PARP9: variants seen among roughly 807,000 people sequenced by gnomAD.
The protein encoded by PARP9 is poly(ADP-ribose) polymerase family member 9, also known as protein mono-ADP-ribosyltransferase PARP9.
PARP9 carries 48 observed loss-of-function variants against 68.8 expected under a neutral mutation model. The ratio of observed to expected loss-of-function variants is 0.70; its 90% CI spans 0.55 to 0.89. The LOEUF (loss-of-function observed/expected upper bound fraction) is 0.89. Among genes scored for constraint, PARP9 ranks in the 40% least tolerant of loss-of-function variants. The probability of loss-of-function intolerance (pLI) is 0.00; values close to 1 mark genes in which losing one functional copy is unlikely to be tolerated. For missense variants in PARP9, 806 were observed against 969.3 expected (o/e 0.83, Z 2.24); for synonymous variants, 309 against 333.8 (o/e 0.93, Z 0.81).
At position 122,559,635 on chromosome 3, in the gene PARP9, G is replaced by A; in HGVS notation, c.-15C>T. The A allele has an allele frequency of 1.3e-6, 2 of 1,587,704 alleles. No individual in the cohort carries two copies. Among genetic ancestry groups the A allele is most frequent in the Non-Finnish European group, 1.7e-6 (2 of 1,167,172 alleles). ...GAAAAGTCCATCCTCCAGGTCCCCGGGGGAGTCTTTAAATGTTTATTCCCT... is the reference window on the plus strand; with the variant it reads ...GAAAAGTCCATCCTCCAGGTCCCCGAGGGAGTCTTTAAATGTTTATTCCCT... On this transcript the variant is annotated 5_prime_UTR_variant, in exon 2 of 11. Coordinates refer to ENST00000682323, the MANE Select transcript of PARP9 (RefSeq NM_001146105.2).
At chr3:122,539,570 T>TCCTTCCTTCCTTCCTTCCTTCC (rs1242464386) in intron 8 of PARP9, among the ~76,000 whole-genome samples, 1 of 135,544 alleles carries the variant, frequency 7.4e-6, no homozygotes, top group Non-Finnish European at 1.6e-5. Flanking sequence ...TTTCTTTCTT[T>TCCTTCCTTCCTTCCTTCCTTCC]TTTTTTTGAG....
At chr3:122,561,402 A>G (rs1345410084) in intron 1 of PARP9, among the ~76,000 whole-genome samples, 3 of 152,170 alleles carry the variant, frequency 2.0e-5, no homozygotes, top group Non-Finnish European at 2.9e-5. Flanking sequence ...GGCTGTAGTG[A>G]GCTGTGATTG....
At position 122,540,721 on chromosome 3, in the gene PARP9, G is replaced by A; in HGVS notation, c.1516C>T (p.Gln506Ter). ...TTATTCTCAATGATGTGGTGGTTCT[G>A]GAGACTCAGGATTCTTTGGATCCAT... ...HAWIQRILSL[Q>*]NHHIIENNHI... Residue 506 changes from glutamine (Q) to a stop codon, truncating the protein, a stop_gained, in exon 8 of 11, where the codon CAG becomes TAG. Transcript: ENST00000682323. LOFTEE classifies it high-confidence loss of function. 6.2e-7 allele frequency: 1 copy of A among 1,614,088 alleles called. No homozygotes were observed. The highest frequency in any genetic ancestry group is 2.2e-5 in the East Asian group (1 of 44,878).
At chr3:122,549,203 A>G (rs950961707) in intron 6 of PARP9, among the ~76,000 whole-genome samples, 3 of 151,972 alleles carry the variant, frequency 2.0e-5, no homozygotes, top group Non-Finnish European at 4.4e-5. Flanking sequence ...TTTAGTAGAA[A>G]CGGGATTTCA....
intron 10 of PARP9, among the ~76,000 whole-genome samples, chr3:122,529,897 GA>G (rs1442994099): frequency 6.6e-6 from 1 of 151,710 alleles, no homozygotes; most frequent in African/African-American, 2.4e-5. Flanking sequence ...AGCATTACAA[GA>G]AAAATATGTC....
In PARP9 at chr3:122,556,024, G is replaced by A. The variant is rs769053095; in HGVS notation, c.147C>T (p.Val49=). 1.2e-6 allele frequency: 2 copies of A among 1,613,730 alleles called. No homozygotes were observed. Among genetic ancestry groups the A allele is most frequent in the Non-Finnish European group, 1.7e-6 (2 of 1,179,942 alleles). ...LKNNERQLCE[V]LQNKFGCIST... Reference sequence around the variant, plus strand: ...AGATACAGCCAAACTTATTCTGGAGGACTTCACACAGCTGACGCTCATTAT... The same window carrying A: ...AGATACAGCCAAACTTATTCTGGAGAACTTCACACAGCTGACGCTCATTAT... The change falls in exon 4 of 11, where the codon GTC becomes GTT. Residue 49 remains valine, a synonymous_variant. Coordinates refer to ENST00000682323, the MANE Select transcript of PARP9 (RefSeq NM_001146105.2).
At chr3:122,564,341 A>C, upstream of PARP9, 6 of 1,446,924 alleles carry the variant, frequency 4.1e-6, no homozygotes, top group Non-Finnish European at 5.5e-6. Flanking sequence ...CGAAACTGAA[A>C]CTTTGCGCCC....
intron 7 of PARP9, among the ~76,000 whole-genome samples, chr3:122,542,387 C>A (rs2078309251): frequency 6.6e-6 from 1 of 151,108 alleles, no homozygotes; most frequent in Non-Finnish European, 1.5e-5. Context: ...GCATGCCTGG[C>A]CAATAATCAT....
At chr3:122,560,301 A>G (rs1280099012) in intron 1 of PARP9, among the ~76,000 whole-genome samples, 2 of 152,210 alleles carry the variant, frequency 1.3e-5, no homozygotes, top group East Asian at 3.8e-4. Flanking sequence ...GAATTTTTAG[A>G]AGACTGATGA....
chr3:122,547,679 C>G (rs888503716), intron 6 of PARP9, among the ~76,000 whole-genome samples: 1 of 151,704 alleles, frequency 6.6e-6, no homozygotes, highest in Middle Eastern at 3.2e-3. Flanking sequence ...ATAGTGAGAC[C>G]CCACTTCCAC....
At chr3:122,561,435 C>T (rs555869009) in intron 1 of PARP9, among the ~76,000 whole-genome samples, 11 of 151,324 alleles carry the variant, frequency 7.3e-5, no homozygotes, top group Non-Finnish European at 1.6e-4. Context: ...CCAGCCTGGG[C>T]AAGAGGAATG....
chr3:122,551,798 G>A (rs1036904410), intron 5 of PARP9, among the ~76,000 whole-genome samples: 1 of 152,234 alleles, frequency 6.6e-6, no homozygotes, highest in Non-Finnish European at 1.5e-5. Flanking sequence ...AAAGGCCAAC[G>A]AGGTCACTGG....
intron 10 of PARP9, chr3:122,535,495 T>C (rs2107572368): frequency 2.0e-6 from 2 of 985,430 alleles, no homozygotes; most frequent in Non-Finnish European, 2.4e-6. Flanking sequence ...TATCTCTCCA[T>C]AATTTTTACT....
At chr3:122,535,646 C>T in intron 10 of PARP9, 6 of 985,998 alleles carry the variant, frequency 6.1e-6, no homozygotes, top group Non-Finnish European at 7.2e-6. Flanking sequence ...CATAGAACTC[C>T]TATGGATGAA....
rs998545197 is a variant in PARP9, at chr3:122,537,042, T to A, written c.1797A>T (p.Gln599His). The stretch of plus-strand genomic sequence containing the variant: ...ATATGATATTTTCTTTCATTTCGTC[T>A]TGGGTTTTTTGTTGCTGAATAGTCC... ...GQWTIQQQKT[Q>H]DEMKENIIFL... The change falls in exon 9 of 11, where the codon CAA (glutamine) becomes CAT (histidine). Residue 599 changes from glutamine to histidine, a missense_variant. Gln to His is a conservative substitution (Grantham distance 24). Transcript: ENST00000682323. 6.2e-7 allele frequency: 1 copy of A among 1,613,628 alleles called. No homozygotes were observed. The highest frequency in any genetic ancestry group is 1.7e-5 in the Admixed American group (1 of 59,986).
In PARP9 at chr3:122,550,898, A is replaced by G. The variant is rs956352285; in HGVS notation, c.1108-96T>C. 8 of 1,124,606 alleles carry G rather than the reference A, an allele frequency of 7.1e-6. No individual in the cohort carries two copies. The African/African-American group carries it at 1.1e-4, about 15-fold the overall frequency. 69.7% of individuals were successfully genotyped at this position (1,124,606 alleles called of 1,614,324 possible). Reference sequence around the variant, plus strand: ...CCCATATTTTACAATGTCCACCTTCACCCTCCCTCAGGGTTCGTGTCCCTG... The same window carrying G: ...CCCATATTTTACAATGTCCACCTTCGCCCTCCCTCAGGGTTCGTGTCCCTG... On this transcript the variant is annotated intron_variant, in intron 5 of 10. Coordinates refer to ENST00000682323, the MANE Select transcript of PARP9 (RefSeq NM_001146105.2).
intron 8 of PARP9, among the ~76,000 whole-genome samples, chr3:122,539,481 T>C (rs1381227604): frequency 6.6e-6 from 1 of 151,746 alleles, no homozygotes; most frequent in Non-Finnish European, 1.5e-5. Context: ...TCTATATCTA[T>C]CTCTATCTCT....
chr3:122,532,411 A>G (rs1372308876), intron 10 of PARP9: 2 of 985,234 alleles, frequency 2.0e-6, no homozygotes, highest in Non-Finnish European at 1.2e-6. Context: ...CTCTCCCAGC[A>G]TAGACAAAAG....
chr3:122,545,373 G>C, intron 7 of PARP9, 59 bp downstream of exon 7: 1 of 1,535,898 alleles, frequency 6.5e-7, no homozygotes, highest in Non-Finnish European at 9.0e-7. Context: ...AGATGATCAA[G>C]AATAGAATGA....
Sources: gnomAD v4.1 joint callset for allele counts (sites outside exome capture counted in the v4.1 genomes callset) on GRCh38, gnomAD v4.1.1 for gene constraint, MANE v1.5 for transcripts, NCBI Gene and HGNC (gene_info 2026-07-23, HGNC 2026-07-21) for gene names.